The following PRKN variants were observed in gnomAD, a reference collection of about 807,000 sequenced individuals.
The protein encoded by PRKN is parkin RBR E3 ubiquitin protein ligase.
A neutral mutation model predicts 59.5 loss-of-function variants in PRKN; 56 were observed. That is an observed-to-expected ratio of 0.94 (90% CI 0.76 to 1.18). The LOEUF (loss-of-function observed/expected upper bound fraction) is 1.18, where lower values mean the gene tolerates loss of function less well. Ranked by LOEUF, PRKN falls within the 50% of genes most tolerant of loss-of-function variation. PRKN has a pLI of 0.00. For synonymous variants in PRKN, 250 were observed against 222.1 expected (o/e 1.13, Z -1.12); for missense variants, 657 against 596.4 (o/e 1.10, Z -1.06).
At chr6:162,225,074 T>C (rs947092077) in intron 3 of PRKN, among the ~76,000 whole-genome samples, 1 of 152,108 alleles carries the variant, frequency 6.6e-6, no homozygotes. Flanking sequence ...AAGTCCAAGA[T>C]TGGGCAGCCC....
chr6:162,568,607 C>A, intron 1 of PRKN: 1 of 889,854 alleles, frequency 1.1e-6, no homozygotes. Flanking sequence ...GGACCCTCAA[C>A]AACAAGTTTG....
intron 3 of PRKN, among the ~76,000 whole-genome samples, chr6:162,222,713 G>A (rs1213669045): frequency 4.6e-5 from 7 of 152,104 alleles, no homozygotes; most frequent in Non-Finnish European, 1.0e-4. Context: ...TGCGGGACCT[G>A]ACTCACAGAA....
rs1779931902 is a variant in PRKN, at chr6:161,549,718, CA to C, written c.934-716del. Among the ~76,000 whole-genome samples the C allele has an allele frequency of 6.6e-6, 1 of 152,184 alleles. No individual in the cohort carries two copies. The highest frequency in any genetic ancestry group is 2.4e-5 in the African/African-American group (1 of 41,438). ...CAAGGTCTTCTTTGTGGCAGCCCTA[CA>C]CTTTTGATCTTACATTATTTGTAAT... On this transcript the variant is annotated intron_variant, in intron 8 of 11. Transcript: ENST00000366898. This position sits in a 1 kb window ranked among gnomAD's most constrained non-coding sequence, Gnocchi z 6.0.
chr6:162,335,293 C>T (rs1411330638), intron 2 of PRKN, among the ~76,000 whole-genome samples: 4 of 151,904 alleles, frequency 2.6e-5, no homozygotes, highest in South Asian at 2.1e-4. Flanking sequence ...CTGCCTGCCT[C>T]GGCCTCCCAA....
chr6:161,438,287 G>A (rs1789023353), intron 9 of PRKN, among the ~76,000 whole-genome samples: 2 of 136,604 alleles, frequency 1.5e-5, no homozygotes, highest in Middle Eastern at 4.8e-3. Flanking sequence ...GCGTGATCTC[G>A]ACTCACTGCA....
At chr6:161,937,375 A>T (rs1779397589) in intron 6 of PRKN, among the ~76,000 whole-genome samples, 1 of 152,216 alleles carries the variant, frequency 6.6e-6, no homozygotes, top group Admixed American at 6.5e-5. Context: ...TACAACAGAA[A>T]ATTTTATTCT....
chr6:162,492,165 C>G (rs186159569), intron 1 of PRKN, among the ~76,000 whole-genome samples: 1 of 152,226 alleles, frequency 6.6e-6, no homozygotes, highest in Non-Finnish European at 1.5e-5. Flanking sequence ...CTCACATGAA[C>G]TAAAAGCCAG....
At chr6:162,040,990 G>A (rs1487857363) in intron 5 of PRKN, among the ~76,000 whole-genome samples, 1 of 151,404 alleles carries the variant, frequency 6.6e-6, no homozygotes, top group Non-Finnish European at 1.5e-5. Flanking sequence ...TTCAAGACCA[G>A]CCTGGCCAAC....
At chr6:162,403,230 C>T (rs1172763896) in intron 2 of PRKN, among the ~76,000 whole-genome samples, 1 of 152,098 alleles carries the variant, frequency 6.6e-6, no homozygotes, top group African/African-American at 2.4e-5. Context: ...TCCAGCTCTC[C>T]TCACTCACTC....
intron 4 of PRKN, among the ~76,000 whole-genome samples, chr6:162,159,114 A>G (rs1782650041): frequency 6.6e-6 from 1 of 151,968 alleles, no homozygotes; most frequent in Non-Finnish European, 1.5e-5. Flanking sequence ...TGTCAAAAAC[A>G]CCAGGTGATT....
rs548578045 is a variant in PRKN at position 161,886,746 on chromosome 6, TAAAATAAAAA to T, written c.734+86546_734+86555del. Among the ~76,000 whole-genome samples, 21 of 76,562 alleles carry T rather than the reference TAAAATAAAAA, an allele frequency of 2.7e-4. No individual in the cohort carries two copies. The South Asian group carries it at 7.3e-3, about 27-fold the overall frequency. The allele number at this position is 76,562 out of a possible 152,430, so 50.2% of individuals were successfully genotyped here. ...AATAACATAAAATAAAATAAAATAA[TAAAATAAAAA>T]AAAATAAAATAAAATGAATATTTAA... On this transcript the variant is annotated intron_variant, in intron 6 of 11. Transcript: ENST00000366898.
At chr6:162,691,932 G>A (rs186680470) in intron 1 of PRKN, among the ~76,000 whole-genome samples, 1 of 151,940 alleles carries the variant, frequency 6.6e-6, no homozygotes, top group East Asian at 1.9e-4. Flanking sequence ...CTTTTATCAG[G>A]CTTTCATGTA....
chr6:162,220,875 A>G (rs555101728), intron 3 of PRKN, among the ~76,000 whole-genome samples: 1 of 152,356 alleles, frequency 6.6e-6, no homozygotes, highest in East Asian at 1.9e-4. Flanking sequence ...TAAGTTCCCA[A>G]TAAACGTTAC....
At chr6:161,501,900 G>C (rs916835684) in intron 9 of PRKN, among the ~76,000 whole-genome samples, 14 of 152,286 alleles carry the variant, frequency 9.2e-5, no homozygotes, top group African/African-American at 3.4e-4. Flanking sequence ...GTAACACCAA[G>C]ATATGAAGAT....
intron 7 of PRKN, among the ~76,000 whole-genome samples, chr6:161,577,846 AG>A (rs906036759): frequency 6.6e-6 from 1 of 152,202 alleles, no homozygotes; most frequent in African/African-American, 2.4e-5. Context: ...ATGAGGTGCC[AG>A]GGAAGAATCA....
intron 7 of PRKN, among the ~76,000 whole-genome samples, chr6:161,714,066 G>C (rs6907603): frequency 6.6e-6 from 1 of 152,124 alleles, no homozygotes; most frequent in Non-Finnish European, 1.5e-5. Flanking sequence ...TCCAGCCTCA[G>C]GTATGTCTTT....
intron 4 of PRKN, among the ~76,000 whole-genome samples, chr6:162,087,030 T>C (rs901527234): frequency 1.3e-5 from 2 of 152,220 alleles, no homozygotes; most frequent in Admixed American, 6.5e-5. Flanking sequence ...AGGTTCCCAA[T>C]TGCATACTTC....
At chr6:161,836,796 G>T (rs1024866705) in intron 6 of PRKN, among the ~76,000 whole-genome samples, 3 of 152,108 alleles carry the variant, frequency 2.0e-5, no homozygotes, top group African/African-American at 7.2e-5. Flanking sequence ...CTGAACCGGG[G>T]AGAGGGACTC....
chr6:162,654,008 AG>A (rs1275658887), intron 1 of PRKN, among the ~76,000 whole-genome samples: 3 of 152,230 alleles, frequency 2.0e-5, no homozygotes, highest in Non-Finnish European at 4.4e-5. Flanking sequence ...AGAGGACTTT[AG>A]GTACTTCACA....
Sources: gnomAD v4.1 joint callset for allele counts (sites outside exome capture counted in the v4.1 genomes callset) on GRCh38, gnomAD v4.1.1 for gene constraint, Gnocchi (gnomAD v3.1) non-coding constraint, MANE v1.5 for transcripts, NCBI Gene and HGNC (gene_info 2026-07-23, HGNC 2026-07-21) for gene names.